PPP1R12B: variants seen among roughly 807,000 people sequenced by gnomAD.
The protein encoded by PPP1R12B is protein phosphatase 1 regulatory subunit 12B, also known as myosin phosphatase target subunit 2.
In PPP1R12B, 76 loss-of-function variants were observed where a neutral mutation model predicts 126.1. The observed-to-expected ratio is 0.60, with a 90% CI of 0.50 to 0.73. The LOEUF (loss-of-function observed/expected upper bound fraction) is 0.73, where lower values mean the gene tolerates loss of function less well. Among genes scored for constraint, PPP1R12B ranks in the 30% least tolerant of loss-of-function variants. The probability of loss-of-function intolerance (pLI) is 0.00; values close to 1 mark genes in which losing one functional copy is unlikely to be tolerated. For synonymous variants in PPP1R12B, 356 were observed against 434.7 expected (o/e 0.82, Z 2.25); for missense variants, 1,052 against 1,205.1 (o/e 0.87, Z 1.88).
At chr1:202,571,731 C>T (rs1253117291) in intron 23 of PPP1R12B, among the ~76,000 whole-genome samples, 1 of 152,180 alleles carries the variant, frequency 6.6e-6, no homozygotes, top group Non-Finnish European at 1.5e-5. Context: ...GCTGTGATTA[C>T]AGGTGTGAGC....
At chr1:202,548,889 A>G (rs697457) in intron 18 of PPP1R12B, among the ~76,000 whole-genome samples, 14,769 of 149,394 alleles carry the variant, frequency 0.099, 2,076 homozygotes, top group African/African-American at 0.32. Flanking sequence ...TTAAATTGTA[A>G]CAAGTTCTGA....
At chr1:202,407,721 A>G (rs912009239) in intron 1 of PPP1R12B, among the ~76,000 whole-genome samples, 16 of 152,148 alleles carry the variant, frequency 1.1e-4, no homozygotes, top group South Asian at 2.1e-4. Context: ...GGATCAGTCA[A>G]TCTTAACTAC....
chr1:202,447,835 A>G (rs1672467818), intron 12 of PPP1R12B, among the ~76,000 whole-genome samples: 1 of 152,188 alleles, frequency 6.6e-6, no homozygotes, highest in Non-Finnish European at 1.5e-5. Flanking sequence ...ATAGATTCGT[A>G]TCTTGTAAGT....
chr1:202,479,529 T>C (rs1045322144), intron 13 of PPP1R12B, among the ~76,000 whole-genome samples: 3 of 152,172 alleles, frequency 2.0e-5, no homozygotes, highest in African/African-American at 7.2e-5. Flanking sequence ...TTTCGTAGTC[T>C]CATGGGACTC....
Position 202,427,070 on chromosome 1 carries a change from T to C in PPP1R12B, c.732T>C (p.Asn244=), listed in dbSNP as rs765045339. The C allele has an allele frequency of 6.2e-7, 1 of 1,613,808 alleles. No homozygotes were observed. The highest frequency in any genetic ancestry group is 8.5e-7 in the Non-Finnish European group (1 of 1,179,958). The part of the protein sequence containing the change: ...RLLIQAGYEL[N]VQDYDGWTPL... ...TAATTCAGGCTGGCTATGAACTCAA[T>C]GTTCAGGATTATGATGGCTGGACTC... Residue 244 remains asparagine (N), a synonymous_variant, in exon 5 of 24, where the codon AAT becomes AAC. Transcript: ENST00000608999.
At chr1:202,391,621 T>G (rs538637838) in intron 1 of PPP1R12B, among the ~76,000 whole-genome samples, 1 of 143,466 alleles carries the variant, frequency 7.0e-6, no homozygotes, top group African/African-American at 2.6e-5. Context: ...TGAATTATCT[T>G]CAGGTGTACT....
chr1:202,568,275 T>TA (rs1032383028), intron 22 of PPP1R12B, among the ~76,000 whole-genome samples: 1 of 152,138 alleles, frequency 6.6e-6, no homozygotes, highest in African/African-American at 2.4e-5. Context: ...ATTTAGGTCT[T>TA]ACGACTTGAA....
At chr1:202,469,653 C>T (rs1249076745) in intron 13 of PPP1R12B, among the ~76,000 whole-genome samples, 4 of 151,622 alleles carry the variant, frequency 2.6e-5, no homozygotes, top group Non-Finnish European at 5.9e-5. Context: ...GCAAATTTTA[C>T]CATATGTAAA....
At chr1:202,404,274 G>C (rs1666267431) in intron 1 of PPP1R12B, among the ~76,000 whole-genome samples, 1 of 151,990 alleles carries the variant, frequency 6.6e-6, no homozygotes, top group Non-Finnish European at 1.5e-5. Flanking sequence ...CAATTTCTCA[G>C]TATGGCAAAT....
chr1:202,487,313 T>C (rs943583574), intron 13 of PPP1R12B, among the ~76,000 whole-genome samples: 9 of 152,234 alleles, frequency 5.9e-5, no homozygotes, highest in Non-Finnish European at 8.8e-5. Context: ...TTGCTTTAAT[T>C]TGATGAGTGG....
rs187771649 is a variant in PPP1R12B at position 202,458,341 on chromosome 1, G to A, written c.1850+9170G>A. On this transcript the variant is annotated intron_variant, in intron 13 of 23. Transcript: ENST00000608999. The stretch of plus-strand genomic sequence containing the variant: ...CATTCCTCTCTGGGGAATGGGGAGA[G>A]TGGGACGTGGGAGTGGTTAGGGAAT... Among the ~76,000 whole-genome samples, 320 of 108,522 alleles carry A rather than the reference G, an allele frequency of 2.9e-3. 73 individuals are homozygous for A. The highest frequency in any genetic ancestry group is 0.013 in the South Asian group (29 of 2,194). 71.2% of individuals were successfully genotyped at this position (108,522 alleles called of 152,430 possible).
chr1:202,515,412 GTAGC>G (rs1478683084), intron 18 of PPP1R12B, among the ~76,000 whole-genome samples: 2 of 152,238 alleles, frequency 1.3e-5, no homozygotes, highest in South Asian at 2.1e-4. Flanking sequence ...AAAGGCTTAT[GTAGC>G]TAGAAAATCT....
intron 9 of PPP1R12B, among the ~76,000 whole-genome samples, chr1:202,435,909 T>G (rs566848356): frequency 6.1e-4 from 93 of 152,316 alleles, no homozygotes; most frequent in African/African-American, 2.0e-3. Context: ...TAGGTGTACC[T>G]CATATACTGC....
At chr1:202,382,762 G>C (rs11586693) in intron 1 of PPP1R12B, among the ~76,000 whole-genome samples, 1 of 151,788 alleles carries the variant, frequency 6.6e-6, no homozygotes, top group South Asian at 2.1e-4. Context: ...TGTAATCCTA[G>C]CTGCTCGGGA....
intron 1 of PPP1R12B, among the ~76,000 whole-genome samples, chr1:202,350,923 G>GTT (rs1353596720): frequency 3.3e-5 from 5 of 151,876 alleles, no homozygotes; most frequent in Non-Finnish European, 7.4e-5. Flanking sequence ...GCCTGGCCTA[G>GTT]TAATCTATTG....
chr1:202,588,507 A>G lies in PPP1R12B; in HGVS notation c.*7947A>G, dbSNP rs1016719372. The stretch of plus-strand genomic sequence containing the variant: ...TTTGGGAATAATAATATTCACTTCT[A>G]TATGATGCCTGTAAACACAACAGTA... On this transcript the variant is annotated 3_prime_UTR_variant, in exon 24 of 24. Transcript: ENST00000608999. 1.3e-5 allele frequency: 2 copies of G among 152,638 alleles called. No homozygotes were observed. The highest frequency in any genetic ancestry group is 4.8e-5 in the African/African-American group (2 of 41,446). The allele number at this position is 152,638 out of a possible 1,614,324, so 9.5% of individuals were successfully genotyped here.
intron 13 of PPP1R12B, among the ~76,000 whole-genome samples, chr1:202,467,731 A>G (rs1477925146): frequency 1.3e-5 from 2 of 152,326 alleles, no homozygotes; most frequent in South Asian, 2.1e-4. Context: ...TCCTTTGGGT[A>G]TATACCCAGT....
At chr1:202,373,097 G>A (rs1660582110) in intron 1 of PPP1R12B, among the ~76,000 whole-genome samples, 2 of 151,912 alleles carry the variant, frequency 1.3e-5, no homozygotes, top group Non-Finnish European at 2.9e-5. Flanking sequence ...ACCACGCCTG[G>A]CTAATTTTTT....
At chr1:202,537,418 A>G (rs913382558) in intron 18 of PPP1R12B, among the ~76,000 whole-genome samples, 9 of 152,098 alleles carry the variant, frequency 5.9e-5, no homozygotes, top group Non-Finnish European at 1.2e-4. Flanking sequence ...TTATAGTCTT[A>G]TGCAACCACC....
Sources: gnomAD v4.1 joint callset for allele counts (sites outside exome capture counted in the v4.1 genomes callset) on GRCh38, gnomAD v4.1.1 for gene constraint, MANE v1.5 for transcripts, NCBI Gene and HGNC (gene_info 2026-07-23, HGNC 2026-07-21) for gene names.